NLGN4X: variants seen among roughly 807,000 people sequenced by gnomAD.
The protein encoded by NLGN4X is neuroligin 4 X-linked, also known as neuroligin-4, X-linked.
A neutral mutation model predicts 40.3 loss-of-function variants in NLGN4X; 3 were observed. That is an observed-to-expected ratio of 0.07 (90% CI 0.03 to 0.19). The LOEUF is 0.19. Ranked by LOEUF, NLGN4X falls within the 10% of genes least tolerant of loss-of-function variation. NLGN4X has a pLI of 1.00. For synonymous variants in NLGN4X, 270 were observed against 306.8 expected, an observed-to-expected ratio of 0.88 and a Z score of 1.25; for missense variants, 382 against 708.3, an observed-to-expected ratio of 0.54 and a Z score of 5.23.
At chrX:6,223,651 G>T (rs984150762) in intron 1 of NLGN4X, among the ~76,000 whole-genome samples, 18 of 112,468 alleles carry the variant, frequency 1.6e-4, no homozygotes, top group Admixed American at 1.1e-3. Flanking sequence ...AGAGAAAAAT[G>T]ACAGAACTGG....
intron 2 of NLGN4X, among the ~76,000 whole-genome samples, chrX:6,039,628 C>G (rs756666672): frequency 1.8e-5 from 2 of 112,291 alleles, no homozygotes; most frequent in South Asian, 7.4e-4. Flanking sequence ...TGGCCCTTAC[C>G]CTGTTGCCAA....
intron 3 of NLGN4X, among the ~76,000 whole-genome samples, chrX:6,019,235 G>C (rs1298719371): frequency 8.9e-6 from 1 of 112,075 alleles, no homozygotes; most frequent in Non-Finnish European, 1.9e-5. Flanking sequence ...TATCACTGCT[G>C]TCATGCATGT....
chrX:6,036,639 C>CACACAA (rs2037016150), intron 2 of NLGN4X, among the ~76,000 whole-genome samples: 1 of 109,366 alleles, frequency 9.1e-6, no homozygotes, highest in Admixed American at 9.8e-5. Flanking sequence ...CACACACACA[C>CACACAA]ACACAGCCCA....
chrX:6,130,572 G>A (rs766048051), intron 2 of NLGN4X, among the ~76,000 whole-genome samples: 76 of 112,804 alleles, frequency 6.7e-4, no homozygotes, highest in Non-Finnish European at 1.3e-3. Context: ...CAACAATGAT[G>A]TTAATTGTGC....
chrX:6,003,706 C>T (rs1233765508), intron 3 of NLGN4X, among the ~76,000 whole-genome samples: 3 of 109,765 alleles, frequency 2.7e-5, no homozygotes, highest in African/African-American at 1.0e-4. Context: ...TCTTTAATTT[C>T]CCACCTCAGG....
chrX:6,144,193 T>C (rs1489152071), intron 2 of NLGN4X, among the ~76,000 whole-genome samples: 1 of 111,419 alleles, frequency 9.0e-6, no homozygotes, highest in African/African-American at 3.3e-5. Context: ...AGAATTGATA[T>C]GATCTCCTTA....
chrX:5,967,885 C>T (rs1242547531), intron 3 of NLGN4X, among the ~76,000 whole-genome samples: 7 of 111,385 alleles, frequency 6.3e-5, no homozygotes, highest in Admixed American at 3.8e-4. Flanking sequence ...GTCCCTCCCC[C>T]ATCATGGACT....
intron 2 of NLGN4X, among the ~76,000 whole-genome samples, chrX:6,108,517 A>C (rs945764791): frequency 5.5e-5 from 6 of 109,897 alleles, no homozygotes; most frequent in Admixed American, 3.0e-4. Flanking sequence ...TAAATAAATA[A>C]ATAAATAAAA....
intron 4 of NLGN4X, among the ~76,000 whole-genome samples, chrX:5,907,688 C>A (rs1360874013): frequency 9.1e-6 from 1 of 110,016 alleles, no homozygotes; most frequent in Non-Finnish European, 1.9e-5. Context: ...GGAGCTCCCA[C>A]GGGGACAAGC....
chrX:6,079,368 C>T (rs1005826340), intron 2 of NLGN4X, among the ~76,000 whole-genome samples: 1 of 112,112 alleles, frequency 8.9e-6, no homozygotes, highest in African/African-American at 3.2e-5. Context: ...ATCTCATGAC[C>T]CTACTGTGAA....
rs758237273 is a variant in NLGN4X at position 5,893,343 on chromosome X, G to T, written c.1925C>A (p.Thr642Asn). The part of the protein sequence containing the change: ...IWPTTKRPAI[T>N]PANNPKHSKD... ...AGAGTGTTTGGGATTGTTGGCAGGA[G>T]TGATTGCTGGGCGTTTGGTGGTTGG... The change falls in exon 6 of 6, where the codon ACT (threonine) becomes AAT (asparagine). Residue 642 changes from threonine to asparagine, a missense_variant. Physicochemically the swap from Thr to Asn is moderately conservative, Grantham distance 65 (BLOSUM62 0). This residue lies in a region of NLGN4X where 149 missense variants were observed against 375.8 expected (regional missense o/e 0.40). Coordinates refer to ENST00000381095, the MANE Select transcript of NLGN4X (RefSeq NM_181332.3). 2 of 1,211,317 alleles carry T rather than the reference G, an allele frequency of 1.7e-6. No individual in the cohort carries two copies. Among genetic ancestry groups the T allele is most frequent in the Non-Finnish European group, 2.2e-6 (2 of 895,407 alleles).
chrX:5,903,567 C>T lies in NLGN4X; in HGVS notation c.1111G>A (p.Val371Ile), dbSNP rs369832792. 5.8e-6 allele frequency: 7 copies of T among 1,211,067 alleles called. No individual in the cohort carries two copies. In the East Asian group the frequency reaches 8.9e-5, roughly 15 times the overall value. ...EFLNYDIMLG[V>I]NQGEGLKFVD... Reference sequence around the variant, plus strand: ...AACTTCAGGCCTTCCCCTTGGTTGACGCCCAGCATGATGTCGTAGTTGAGG... The same window carrying T: ...AACTTCAGGCCTTCCCCTTGGTTGATGCCCAGCATGATGTCGTAGTTGAGG... Residue 371 changes from valine to isoleucine, a missense_variant, in exon 5 of 6, where the codon GTC becomes ATC. Val to Ile is a conservative substitution (Grantham distance 29). Coordinates refer to ENST00000381095, the MANE Select transcript of NLGN4X (RefSeq NM_181332.3).
intron 5 of NLGN4X, 82 bp downstream of exon 5, chrX:5,902,995 C>T (rs2031963298): frequency 7.3e-6 from 8 of 1,088,802 alleles, no homozygotes; most frequent in Admixed American, 2.2e-5. Flanking sequence ...TGCTCCTGCA[C>T]GTGGCAGTAG....
At chrX:6,007,850 C>G (rs1324888504) in intron 3 of NLGN4X, among the ~76,000 whole-genome samples, 1 of 111,932 alleles carries the variant, frequency 8.9e-6, no homozygotes, top group African/African-American at 3.2e-5. Context: ...AATGGAGACA[C>G]TGGGGTTGTC....
intron 5 of NLGN4X, among the ~76,000 whole-genome samples, chrX:5,898,201 CCTT>C (rs1396154847): frequency 1.2e-4 from 12 of 99,591 alleles, no homozygotes; most frequent in African/African-American, 3.0e-4. Flanking sequence ...TCCTTCCTTC[CCTT>C]CTTCTTTCCT....
rs542730079 is a variant in NLGN4X at position 6,056,233 on chromosome X, T to G, written c.473-26801A>C. Among the ~76,000 whole-genome samples the G allele has an allele frequency of 7.1e-5, 8 of 111,915 alleles. No individual in the cohort carries two copies. The South Asian group carries it at 2.6e-3, about 37-fold the overall frequency. ...GCTCACACCTGTAATCCCAGCATTT[T>G]GGGAGGCCAAGGTGTGTGGATCACT... is the stretch of plus-strand genomic sequence containing the variant. On this transcript the variant is annotated intron_variant, in intron 2 of 5. Transcript: ENST00000381095.
intron 1 of NLGN4X, among the ~76,000 whole-genome samples, chrX:6,216,103 C>T (rs1415954627): frequency 9.0e-6 from 1 of 111,214 alleles, no homozygotes; most frequent in Admixed American, 9.6e-5. Flanking sequence ...TCATATGATC[C>T]ACCCACCTCG....
intron 2 of NLGN4X, among the ~76,000 whole-genome samples, chrX:6,143,086 C>T (rs2039980744): frequency 8.9e-6 from 1 of 112,242 alleles, no homozygotes; most frequent in African/African-American, 3.2e-5. Context: ...CTGAAATTTT[C>T]GGGTTCCCTT....
intron 2 of NLGN4X, among the ~76,000 whole-genome samples, chrX:6,096,366 C>G (rs2038776812): frequency 1.8e-5 from 2 of 111,914 alleles, no homozygotes; most frequent in South Asian, 7.5e-4. Context: ...ATAGAAACAA[C>G]AAGCTTGTTA....
Sources: gnomAD v4.1 joint callset for allele counts (sites outside exome capture counted in the v4.1 genomes callset) on GRCh38, gnomAD v4.1.1 for gene constraint, gnomAD v4.1.1 regional missense constraint, MANE v1.5 for transcripts, NCBI Gene and HGNC (gene_info 2026-07-23, HGNC 2026-07-21) for gene names.